SORCS1: variants seen among roughly 807,000 people sequenced by gnomAD.
SORCS1 encodes the protein VPS10 domain-containing receptor SorCS1.
In SORCS1, 60 loss-of-function variants were observed where a neutral mutation model predicts 146.1. That is an observed-to-expected ratio of 0.41 (90% CI 0.33 to 0.51). The LOEUF (loss-of-function observed/expected upper bound fraction) is 0.51, where lower values mean the gene tolerates loss of function less well. Among genes scored for constraint, SORCS1 ranks in the 20% least tolerant of loss-of-function variants. SORCS1 has a pLI of 0.21. For synonymous variants in SORCS1, 637 were observed against 584.0 expected (o/e 1.09, Z -1.31); for missense variants, 1,352 against 1,487.6 (o/e 0.91, Z 1.50).
At chr10:106,712,692 TTC>T (rs1380137851) in intron 6 of SORCS1, among the ~76,000 whole-genome samples, 2 of 152,176 alleles carry the variant, frequency 1.3e-5, no homozygotes, top group Admixed American at 1.3e-4. Flanking sequence ...ATGATAATAT[TTC>T]TGTTTTCTGT....
intron 3 of SORCS1, among the ~76,000 whole-genome samples, chr10:106,826,655 A>G (rs1274829282): frequency 6.6e-6 from 1 of 152,172 alleles, no homozygotes; most frequent in Non-Finnish European, 1.5e-5. Context: ...TGCGATGTCA[A>G]CTTTATTGAT....
chr10:107,130,016 T>C (rs928152164), intron 1 of SORCS1, among the ~76,000 whole-genome samples: 1 of 152,252 alleles, frequency 6.6e-6, no homozygotes, highest in Non-Finnish European at 1.5e-5. Context: ...GTCTTCAATA[T>C]GTCCAAGTTT....
intron 17 of SORCS1, among the ~76,000 whole-genome samples, chr10:106,663,761 T>A (rs997511636): frequency 1.8e-4 from 28 of 152,224 alleles, no homozygotes; most frequent in South Asian, 1.4e-3. Context: ...TCTTTGTAGA[T>A]GATTTCAGGC....
At chr10:106,942,388 G>A (rs1954088204) in intron 2 of SORCS1, among the ~76,000 whole-genome samples, 1 of 152,014 alleles carries the variant, frequency 6.6e-6, no homozygotes, top group African/African-American at 2.4e-5. Context: ...CCTTCCTCCT[G>A]GAATCATAAC....
intron 3 of SORCS1, among the ~76,000 whole-genome samples, chr10:106,825,144 C>T (rs965264801): frequency 6.6e-6 from 1 of 151,804 alleles, no homozygotes; most frequent in African/African-American, 2.4e-5. Flanking sequence ...GGGAGAACAG[C>T]TTGGGTTAGT....
chr10:107,107,841 T>C (rs551062192), intron 1 of SORCS1, among the ~76,000 whole-genome samples: 5 of 152,276 alleles, frequency 3.3e-5, no homozygotes, highest in African/African-American at 1.2e-4. Flanking sequence ...CTTGGTCTTA[T>C]TATAAAAATC....
intron 1 of SORCS1, among the ~76,000 whole-genome samples, chr10:107,079,144 T>A (rs1338061063): frequency 6.6e-6 from 1 of 151,378 alleles, no homozygotes; most frequent in African/African-American, 2.4e-5. Context: ...GAAAATGACA[T>A]GAACCCGGGA....
intron 6 of SORCS1, among the ~76,000 whole-genome samples, chr10:106,719,418 C>CTTTTTTT (rs11299932): frequency 7.4e-6 from 1 of 135,974 alleles, no homozygotes; most frequent in Non-Finnish European, 1.6e-5. Context: ...TTCTTTCTTT[C>CTTTTTTT]TTTTTTTTTT....
In SORCS1 at chr10:106,677,276, A is replaced by G. The variant is rs573279522; in HGVS notation, c.1832+37T>C. 146 of 1,567,478 alleles carry G rather than the reference A, an allele frequency of 9.3e-5. 1 individual carries two copies. The South Asian group carries it at 1.5e-3, about 16-fold the overall frequency. Reference sequence around the variant, plus strand: ...AGACTGATCTTAGCAGTTCAGGACCATCAGGTGCAGATTTCACAGGCAGCA... The same window carrying G: ...AGACTGATCTTAGCAGTTCAGGACCGTCAGGTGCAGATTTCACAGGCAGCA... On this transcript the variant is annotated intron_variant, in intron 13 of 25. Coordinates refer to ENST00000263054, the MANE Select transcript of SORCS1 (RefSeq NM_052918.5).
intron 1 of SORCS1, among the ~76,000 whole-genome samples, chr10:107,097,301 T>C (rs1446124119): frequency 1.3e-5 from 2 of 152,258 alleles, no homozygotes; most frequent in Non-Finnish European, 2.9e-5. Context: ...CTGATTTCTT[T>C]GTTGCATGCT....
chr10:106,967,185 C>T (rs1335059117), intron 1 of SORCS1, among the ~76,000 whole-genome samples: 1 of 151,460 alleles, frequency 6.6e-6, no homozygotes, highest in South Asian at 2.1e-4. Flanking sequence ...TCTGAGGACA[C>T]TTGTCTTGTT....
intron 1 of SORCS1, among the ~76,000 whole-genome samples, chr10:107,004,532 T>C (rs1473964010): frequency 6.6e-6 from 1 of 152,178 alleles, no homozygotes; most frequent in Non-Finnish European, 1.5e-5. Context: ...TTATTCATAC[T>C]GTTCTCATCA....
chr10:106,882,703 G>T (rs1950851528), intron 2 of SORCS1, among the ~76,000 whole-genome samples: 1 of 152,092 alleles, frequency 6.6e-6, no homozygotes, highest in Admixed American at 6.6e-5. Flanking sequence ...TATTTGTGTG[G>T]AGGCGGGGAC....
chr10:106,659,314 A>G lies in SORCS1; in HGVS notation c.2304-6761T>C, dbSNP rs563824826. On this transcript the variant is annotated intron_variant, in intron 17 of 25. Coordinates refer to ENST00000263054, the MANE Select transcript of SORCS1 (RefSeq NM_052918.5). ...GAAGCAGACGTCATTTAATTTGAAT[A>G]GTAATAGGAATGTGACTTCATTTTG... 1.6e-4 allele frequency among the ~76,000 whole-genome samples: 25 copies of G among 152,348 alleles called. No individual in the cohort carries two copies. In the South Asian group the frequency reaches 3.9e-3, roughly 24 times the overall value.
At position 106,652,389 on chromosome 10, in the gene SORCS1, A is replaced by G; in HGVS notation, c.2468T>C (p.Leu823Ser). The change falls in exon 18 of 26, where the codon TTA becomes TCA. Residue 823 changes from leucine to serine, a missense_variant. Around this residue, in one of 3 missense-constraint regions of SORCS1, gnomAD observed 648 missense variants for 793.8 expected, o/e 0.82. Coordinates refer to ENST00000263054, the MANE Select transcript of SORCS1 (RefSeq NM_052918.5). The stretch of plus-strand genomic sequence containing the variant: ...GATAGGAATCAGTCCTACCTCTTCT[A>G]ATTGCACCATGAGAGTGACGTTGTG... ...QGHNVTLMVQ[L>S]EEGDVQRTLI... The G allele has an allele frequency of 6.2e-7, 1 of 1,613,970 alleles. No homozygotes were observed. The highest frequency in any genetic ancestry group is 1.1e-5 in the South Asian group (1 of 91,080).
intron 22 of SORCS1, among the ~76,000 whole-genome samples, chr10:106,608,269 G>T (rs985395013): frequency 5.3e-5 from 8 of 152,126 alleles, no homozygotes; most frequent in African/African-American, 1.7e-4. Context: ...TTGCCAAATG[G>T]GATGATGTAC....
At chr10:106,587,205 G>A (rs1845294884) in intron 24 of SORCS1, among the ~76,000 whole-genome samples, 1 of 151,998 alleles carries the variant, frequency 6.6e-6, no homozygotes, top group Non-Finnish European at 1.5e-5. Context: ...AAAACATATC[G>A]GTACCAAGGC....
intron 2 of SORCS1, among the ~76,000 whole-genome samples, chr10:106,861,960 C>T (rs1243065146): frequency 6.6e-6 from 1 of 152,150 alleles, no homozygotes. Context: ...CTTTTCTTCA[C>T]CATAGATGAT....
intron 6 of SORCS1, among the ~76,000 whole-genome samples, chr10:106,712,535 C>G (rs893968232): frequency 3.3e-5 from 5 of 152,218 alleles, no homozygotes; most frequent in African/African-American, 1.2e-4. Context: ...TATGGGACAA[C>G]TGGGCCAATT....
Sources: allele counts gnomAD v4.1 joint callset (sites outside exome capture counted in the v4.1 genomes callset), GRCh38; gene constraint gnomAD v4.1.1; regional missense constraint gnomAD v4.1.1; transcripts MANE v1.5; gene names NCBI Gene and HGNC (gene_info 2026-07-23, HGNC 2026-07-21).